BNC2: variants seen among roughly 807,000 people sequenced by gnomAD.
BNC2 encodes basonuclin zinc finger protein 2, also known as zinc finger protein basonuclin-2.
Under a neutral mutation model 76.3 loss-of-function variants are expected in BNC2, and 20 were observed. The ratio of observed to expected loss-of-function variants is 0.26; its 90% CI spans 0.18 to 0.38. The LOEUF (loss-of-function observed/expected upper bound fraction) is 0.38. Among genes scored for constraint, BNC2 ranks in the 10% least tolerant of loss-of-function variants. BNC2 has a pLI of 1.00. For missense variants in BNC2, 1,382 were observed against 1,399.8 expected, an observed-to-expected ratio of 0.99 and a Z score of 0.20; for synonymous variants, 582 against 514.8, an observed-to-expected ratio of 1.13 and a Z score of -1.77.
chr9:16,473,445 G>A (rs1821865284), intron 5 of BNC2: 2 of 152,130 alleles, frequency 1.3e-5, no homozygotes, highest in Admixed American at 1.3e-4. Flanking sequence ...AGGCTAAGAG[G>A]AAGTATATTT....
intron 5 of BNC2, among the ~76,000 whole-genome samples, chr9:16,470,597 C>G (rs1001546206): frequency 5.9e-5 from 9 of 152,192 alleles, no homozygotes; most frequent in African/African-American, 2.2e-4. Flanking sequence ...ACTTGGTGCC[C>G]TGTATCCCAG....
intron 6 of BNC2, among the ~76,000 whole-genome samples, chr9:16,434,375 G>A (rs1820961312): frequency 6.6e-6 from 1 of 152,118 alleles, no homozygotes; most frequent in Admixed American, 6.5e-5. Context: ...ACAAGCACTA[G>A]AATTACTGCT....
intron 1 of BNC2, among the ~76,000 whole-genome samples, chr9:16,829,708 G>A (rs1190753022): frequency 1.3e-5 from 2 of 152,042 alleles, no homozygotes; most frequent in African/African-American, 4.8e-5. Context: ...TTAAATATTT[G>A]CTGATCAAAA....
chr9:16,862,915 A>AT (rs35319962), intron 1 of BNC2, among the ~76,000 whole-genome samples: 30 of 142,694 alleles, frequency 2.1e-4, no homozygotes, highest in South Asian at 6.8e-4. Flanking sequence ...ATATAGATAG[A>AT]TTTTTTTTTT....
chr9:16,621,202 G>A (rs1386864466), intron 3 of BNC2, among the ~76,000 whole-genome samples: 1 of 152,172 alleles, frequency 6.6e-6, no homozygotes, highest in Non-Finnish European at 1.5e-5. Flanking sequence ...CAGACAGAGG[G>A]AAGACTTTGC....
chr9:16,780,062 C>T (rs189399202), intron 1 of BNC2, among the ~76,000 whole-genome samples: 3 of 149,848 alleles, frequency 2.0e-5, no homozygotes, highest in East Asian at 2.0e-4. Flanking sequence ...TGGTGAAACC[C>T]CATCTCTACT....
intron 5 of BNC2, among the ~76,000 whole-genome samples, chr9:16,441,001 C>A (rs1324156898): frequency 6.6e-6 from 1 of 152,170 alleles, no homozygotes; most frequent in Non-Finnish European, 1.5e-5. Context: ...ACTAGAGTCC[C>A]CTTGATAGTG....
intron 1 of BNC2, among the ~76,000 whole-genome samples, chr9:16,820,540 C>G (rs1397764177): frequency 2.0e-5 from 3 of 152,084 alleles, no homozygotes; most frequent in African/African-American, 4.8e-5. Flanking sequence ...GCTCCACAAC[C>G]AGGCTTAAAT....
At chr9:16,563,789 T>C (rs1819085109) in intron 4 of BNC2, among the ~76,000 whole-genome samples, 2 of 152,176 alleles carry the variant, frequency 1.3e-5, no homozygotes, top group Admixed American at 1.3e-4. Flanking sequence ...CATCCATGGA[T>C]ACATGAACTA....
At chr9:16,445,751 T>C (rs1241920794) in intron 5 of BNC2, among the ~76,000 whole-genome samples, 4 of 152,198 alleles carry the variant, frequency 2.6e-5, no homozygotes, top group Non-Finnish European at 5.9e-5. Flanking sequence ...CATTGACCTA[T>C]GTGAACAAAT....
chr9:16,797,675 C>T (rs1225170573), intron 1 of BNC2, among the ~76,000 whole-genome samples: 1 of 152,072 alleles, frequency 6.6e-6, no homozygotes. Context: ...TTGAGTCTGT[C>T]AATATCTGGT....
At chr9:16,592,010 G>A (rs953677965) in intron 3 of BNC2, among the ~76,000 whole-genome samples, 2 of 151,914 alleles carry the variant, frequency 1.3e-5, no homozygotes, top group Non-Finnish European at 2.9e-5. Flanking sequence ...CAAGAGCCTG[G>A]GTTTGCTGGA....
chr9:16,478,282 G>A (rs1014896155), intron 5 of BNC2, among the ~76,000 whole-genome samples: 3 of 152,146 alleles, frequency 2.0e-5, no homozygotes, highest in Non-Finnish European at 4.4e-5. Context: ...TGGCTTCCCC[G>A]TGGTCAGTCT....
intron 5 of BNC2, among the ~76,000 whole-genome samples, chr9:16,546,103 A>G (rs550197374): frequency 7.2e-5 from 11 of 152,318 alleles, no homozygotes; most frequent in Non-Finnish European, 1.3e-4. Context: ...TTAGCAACTG[A>G]TATTTCTCTG....
chr9:16,850,888 C>T (rs1819111971), intron 1 of BNC2, among the ~76,000 whole-genome samples: 1 of 151,942 alleles, frequency 6.6e-6, no homozygotes, highest in South Asian at 2.1e-4. Flanking sequence ...TTTGAAGATT[C>T]AGAAAATCAA....
intron 5 of BNC2, among the ~76,000 whole-genome samples, chr9:16,539,685 A>AGG (rs1818248491): frequency 8.6e-6 from 1 of 115,772 alleles, no homozygotes; most frequent in African/African-American, 4.0e-5. Flanking sequence ...GGAGGAAGGA[A>AGG]GGAAGGGAGA....
At chr9:16,841,554 G>A (rs960971889) in intron 1 of BNC2, among the ~76,000 whole-genome samples, 1 of 152,124 alleles carries the variant, frequency 6.6e-6, no homozygotes, top group Non-Finnish European at 1.5e-5. Context: ...AGGGCATAAG[G>A]TCTGTGTGGG....
intron 3 of BNC2, among the ~76,000 whole-genome samples, chr9:16,707,977 G>T (rs933625733): frequency 6.6e-6 from 1 of 152,066 alleles, no homozygotes; most frequent in Non-Finnish European, 1.5e-5. Context: ...CACTACTATG[G>T]TATAGCGATG....
chr9:16,589,187 A>T (rs574594319), intron 3 of BNC2, among the ~76,000 whole-genome samples: 5 of 152,082 alleles, frequency 3.3e-5, no homozygotes, highest in South Asian at 2.1e-4. Context: ...AAAAAAAAAA[A>T]TTTTGTTGTT....
Sources: gnomAD v4.1 joint callset for allele counts (sites outside exome capture counted in the v4.1 genomes callset) on GRCh38, gnomAD v4.1.1 for gene constraint, MANE v1.5 for transcripts, NCBI Gene and HGNC (gene_info 2026-07-23, HGNC 2026-07-21) for gene names.